Variants in CCDC7 observed in about 807,000 individuals in gnomAD.
CCDC7 encodes coiled-coil domain-containing protein 7.
A neutral mutation model predicts 196.9 loss-of-function variants in CCDC7; 183 were observed. The observed-to-expected ratio is 0.93, with a 90% CI of 0.82 to 1.05. The LOEUF is 1.05. Ranked by LOEUF, CCDC7 falls within the 50% of genes least tolerant of loss-of-function variation. CCDC7 has a pLI of 0.00. For synonymous variants in CCDC7, 525 were observed against 484.6 expected (o/e 1.08, Z -1.10); for missense variants, 1,540 against 1,482.2 (o/e 1.04, Z -0.64).
rs755216193 is a variant in CCDC7, at chr10:32,528,695, C to CGTATTT, written c.993+10190_993+10191insGTATTT. Among the ~76,000 whole-genome samples, 188 of 112,694 alleles carry CGTATTT rather than the reference C, an allele frequency of 1.7e-3. 1 individual carries two copies. In the East Asian group the frequency reaches 0.047, roughly 28 times the overall value. The allele number at this position is 112,694 out of a possible 152,430, so 73.9% of individuals were successfully genotyped here. A position where few individuals can be genotyped will look rare whatever the true frequency, so the allele number is the denominator to read the frequency against. On this transcript the variant is annotated intron_variant, in intron 11 of 41. Coordinates refer to ENST00000639629, the Ensembl canonical transcript of CCDC7. The stretch of plus-strand genomic sequence containing the variant: ...ATATATATATGCATATATATACACA[C>CGTATTT]ACATATATATGTATATATACATATA...
At chr10:32,653,703 C>G (rs1336819190) in intron 20 of CCDC7, among the ~76,000 whole-genome samples, 1 of 151,960 alleles carries the variant, frequency 6.6e-6, no homozygotes, top group Non-Finnish European at 1.5e-5. Context: ...AATCTTACAC[C>G]TGAATATAAA....
chr10:32,498,023 A>G (rs572484945), intron 9 of CCDC7, among the ~76,000 whole-genome samples: 250 of 152,178 alleles, frequency 1.6e-3, no homozygotes, highest in African/African-American at 5.9e-3. Flanking sequence ...ATTGTGTGGG[A>G]GTCTAAGTCT....
At chr10:32,751,539 G>A (rs1198657982) in intron 28 of CCDC7, among the ~76,000 whole-genome samples, 1 of 152,074 alleles carries the variant, frequency 6.6e-6, no homozygotes, top group Non-Finnish European at 1.5e-5. Flanking sequence ...TTCTTTAAGT[G>A]GGTTATTAAG....
chr10:32,527,360 G>A (rs1022780746), intron 11 of CCDC7, among the ~76,000 whole-genome samples: 14 of 152,202 alleles, frequency 9.2e-5, no homozygotes, highest in African/African-American at 3.1e-4. Context: ...GCAATATGAA[G>A]TTAAAACGAG....
chr10:32,465,663 C>T (rs899787108), intron 5 of CCDC7, among the ~76,000 whole-genome samples: 17 of 152,070 alleles, frequency 1.1e-4, no homozygotes, highest in African/African-American at 4.1e-4. Context: ...AAACTTTCTC[C>T]CTAGGCAGTC....
intron 18 of CCDC7, among the ~76,000 whole-genome samples, chr10:32,620,109 G>A (rs1307719956): frequency 6.6e-6 from 1 of 151,776 alleles, no homozygotes; most frequent in African/African-American, 2.4e-5. Context: ...TTTTAGTAGA[G>A]ATGGAGTTTT....
intron 9 of CCDC7, among the ~76,000 whole-genome samples, chr10:32,506,379 C>T (rs933554195): frequency 4.6e-5 from 7 of 151,654 alleles, no homozygotes; most frequent in Admixed American, 2.0e-4. Flanking sequence ...ACGGGGCAGC[C>T]GGGCAGAGGG....
chr10:32,731,935 C>T (rs2084044676), intron 28 of CCDC7, among the ~76,000 whole-genome samples: 1 of 152,256 alleles, frequency 6.6e-6, no homozygotes, highest in East Asian at 1.9e-4. Flanking sequence ...CGCCTGTAGT[C>T]CCGGCTACTT....
chr10:32,875,392 TC>T (rs2094569262), intron 41 of CCDC7, among the ~76,000 whole-genome samples: 1 of 151,892 alleles, frequency 6.6e-6, no homozygotes, highest in African/African-American at 2.4e-5. Context: ...GAACAGGGAG[TC>T]TTTTCCCTAT....
At chr10:32,686,473 CAAAT>C (rs1230115453) in intron 22 of CCDC7, among the ~76,000 whole-genome samples, 1 of 152,114 alleles carries the variant, frequency 6.6e-6, no homozygotes, top group East Asian at 1.9e-4. Flanking sequence ...ACCTGTAACT[CAAAT>C]AAAGATCAGA....
intron 30 of CCDC7, among the ~76,000 whole-genome samples, 171 bp from the exon 32 acceptor site, chr10:32,814,199 A>G (rs1033268253): frequency 1.3e-5 from 2 of 152,070 alleles, no homozygotes; most frequent in African/African-American, 4.8e-5. Flanking sequence ...CTCATGATCC[A>G]CCTGCACTTT....
chr10:32,618,453 G>A (rs1048242444), intron 18 of CCDC7, among the ~76,000 whole-genome samples: 3 of 151,792 alleles, frequency 2.0e-5, no homozygotes, highest in Non-Finnish European at 4.4e-5. Flanking sequence ...TCATTCCCAT[G>A]TCTAAGTACT....
At chr10:32,831,818 T>C (rs2092214636) in intron 32 of CCDC7, among the ~76,000 whole-genome samples, 3 of 152,190 alleles carry the variant, frequency 2.0e-5, no homozygotes, top group Admixed American at 2.0e-4. Context: ...CTGAGGCTGT[T>C]CTACAGTTAA....
chr10:32,627,617 A>C (rs552988757), intron 18 of CCDC7, among the ~76,000 whole-genome samples: 1 of 151,944 alleles, frequency 6.6e-6, no homozygotes, highest in South Asian at 2.1e-4. Context: ...TTCAATTTTT[A>C]ACTATTGATT....
chr10:32,674,083 A>C (rs1309924591), intron 21 of CCDC7, among the ~76,000 whole-genome samples: 2 of 149,534 alleles, frequency 1.3e-5, no homozygotes, highest in African/African-American at 4.9e-5. Context: ...AATTTTTTCT[A>C]TATTTTTTTC....
exon 23 of CCDC7, chr10:32,689,089 G>C (rs1591615229): frequency 6.2e-7 from 1 of 1,607,050 alleles, no homozygotes; most frequent in East Asian, 2.2e-5. Context: ...CTTATACTTA[G>C]GCATCAAGAC....
intron 25 of CCDC7, among the ~76,000 whole-genome samples, chr10:32,717,457 T>A (rs1424280698): frequency 6.6e-6 from 1 of 151,948 alleles, no homozygotes. Flanking sequence ...TACCCTAACA[T>A]CACAATTAAA....
At chr10:32,868,930 G>T (rs2094318211) in intron 41 of CCDC7, among the ~76,000 whole-genome samples, 1 of 152,040 alleles carries the variant, frequency 6.6e-6, no homozygotes, top group Non-Finnish European at 1.5e-5. Flanking sequence ...AGTATTCCAT[G>T]GTGTATATGT....
upstream of CCDC7, among the ~76,000 whole-genome samples, chr10:32,446,920 C>T (rs867463147): frequency 1.1e-4 from 9 of 80,458 alleles, no homozygotes; most frequent in South Asian, 5.6e-4. Context: ...CTCCCTCCCT[C>T]CCTTCCTTCC....
Sources: allele counts gnomAD v4.1 joint callset (sites outside exome capture counted in the v4.1 genomes callset), GRCh38; gene constraint gnomAD v4.1.1; transcripts MANE v1.5; gene names NCBI Gene and HGNC (gene_info 2026-07-23, HGNC 2026-07-21).